The following STK39 variants were observed in gnomAD, a reference collection of about 807,000 sequenced individuals.
The protein encoded by STK39 is serine/threonine kinase 39.
STK39 carries 20 observed loss-of-function variants against 77.8 expected under a neutral mutation model. That is an observed-to-expected ratio of 0.26 (90% CI 0.18 to 0.37). STK39 has a LOEUF of 0.37. Ranked by LOEUF, STK39 falls within the 10% of genes least tolerant of loss-of-function variation. The pLI, the probability that STK39 is intolerant of heterozygous loss-of-function variation, is 1.00. For missense variants in STK39, 479 were observed against 656.5 expected (o/e 0.73, Z 2.95); for synonymous variants, 246 against 234.1 (o/e 1.05, Z -0.47).
At chr2:168,092,929 C>T (rs553702129) in intron 10 of STK39, among the ~76,000 whole-genome samples, 8 of 152,300 alleles carry the variant, frequency 5.3e-5, no homozygotes, top group African/African-American at 1.7e-4. Flanking sequence ...CGGAATCTTT[C>T]GCACACAATG....
At chr2:168,068,350 G>A (rs896241379) in intron 12 of STK39, among the ~76,000 whole-genome samples, 35 of 152,164 alleles carry the variant, frequency 2.3e-4, no homozygotes, top group African/African-American at 7.7e-4. Flanking sequence ...CCAATTTTTC[G>A]TAGAGCTCTG....
At chr2:168,212,423 C>T (rs369336959) in intron 1 of STK39, among the ~76,000 whole-genome samples, 2 of 152,344 alleles carry the variant, frequency 1.3e-5, no homozygotes, top group South Asian at 4.1e-4. Flanking sequence ...TTCTGACCCA[C>T]CTCTCCACAT....
chr2:168,029,573 T>G (rs1226972317), intron 14 of STK39, among the ~76,000 whole-genome samples: 1 of 152,160 alleles, frequency 6.6e-6, no homozygotes, highest in African/African-American at 2.4e-5. Flanking sequence ...AGAAGCACAT[T>G]GTTTACTGAT....
At chr2:168,217,965 T>C (rs1448351512) in intron 1 of STK39, among the ~76,000 whole-genome samples, 4 of 152,208 alleles carry the variant, frequency 2.6e-5, no homozygotes, top group African/African-American at 9.6e-5. Flanking sequence ...CATGTTATCA[T>C]GATTTAGACA....
chr2:168,126,044 G>A (rs924668232), intron 10 of STK39, among the ~76,000 whole-genome samples: 2 of 152,138 alleles, frequency 1.3e-5, no homozygotes. Context: ...CTTAATGTTG[G>A]TTAGCAGAAG....
At position 168,213,408 on chromosome 2, in the gene STK39, ACTTT is replaced by A. The variant is rs1481149236; in HGVS notation, c.209-31322_209-31319del. ...AAAAGATGTTCACAGTATACTATAA[ACTTT>A]CTATTACAAAACTTCATTTATGATA... is the stretch of plus-strand genomic sequence containing the variant. On this transcript the variant is annotated intron_variant, in intron 1 of 17. Coordinates refer to ENST00000355999, the MANE Select transcript of STK39 (RefSeq NM_013233.3). 2.6e-5 allele frequency among the ~76,000 whole-genome samples: 4 copies of A among 152,148 alleles called. No individual in the cohort carries two copies. The East Asian group carries it at 7.7e-4, about 29-fold the overall frequency.
intron 5 of STK39, among the ~76,000 whole-genome samples, chr2:168,151,009 GGCC>G (rs1688265985): frequency 6.6e-6 from 1 of 152,026 alleles, no homozygotes; most frequent in Admixed American, 6.6e-5. Flanking sequence ...GGTGCTCAAT[GGCC>G]TTGTTTGGCT....
At chr2:168,157,116 T>G (rs542499445) in intron 5 of STK39, among the ~76,000 whole-genome samples, 1 of 152,122 alleles carries the variant, frequency 6.6e-6, no homozygotes, top group Admixed American at 6.6e-5. Flanking sequence ...TCATTGCATG[T>G]TTTCCTAGCA....
At chr2:168,046,603 A>G (rs988606077) in intron 14 of STK39, among the ~76,000 whole-genome samples, 9 of 152,210 alleles carry the variant, frequency 5.9e-5, no homozygotes, top group African/African-American at 1.7e-4. Flanking sequence ...GAGCTGGCCT[A>G]TATCTCTTCA....
intron 4 of STK39, 59 bp downstream of exon 4, chr2:168,163,680 T>A: frequency 6.2e-7 from 1 of 1,609,982 alleles, no homozygotes; most frequent in East Asian, 2.2e-5. Flanking sequence ...AGTCTAAGCC[T>A]TCCAAAACCT....
At chr2:167,981,266 A>G (rs1683410590) in intron 16 of STK39, among the ~76,000 whole-genome samples, 1 of 152,216 alleles carries the variant, frequency 6.6e-6, no homozygotes, top group Non-Finnish European at 1.5e-5. Context: ...CCCAGAAAAA[A>G]AGACAGCTGA....
intron 10 of STK39, among the ~76,000 whole-genome samples, chr2:168,075,957 G>T (rs1686067078): frequency 1.3e-5 from 2 of 152,198 alleles, no homozygotes; most frequent in African/African-American, 2.4e-5. Flanking sequence ...GGGTAGAGAT[G>T]TAATCCATAG....
At chr2:168,055,705 T>C (rs1685506277) in intron 14 of STK39, among the ~76,000 whole-genome samples, 1 of 152,214 alleles carries the variant, frequency 6.6e-6, no homozygotes, top group Non-Finnish European at 1.5e-5. Context: ...TACAAAGGAA[T>C]TAATAATTTA....
At chr2:167,984,057 T>C (rs1683497395) in intron 16 of STK39, among the ~76,000 whole-genome samples, 1 of 152,178 alleles carries the variant, frequency 6.6e-6, no homozygotes. Flanking sequence ...AAACTCAAGC[T>C]GTTGCCTATT....
chr2:168,206,954 T>C (rs1167963517), intron 1 of STK39, among the ~76,000 whole-genome samples: 1 of 152,168 alleles, frequency 6.6e-6, no homozygotes, highest in Non-Finnish European at 1.5e-5. Context: ...GTTCACAATA[T>C]GAACACAACT....
At chr2:168,092,211 C>G (rs776057382) in intron 10 of STK39, among the ~76,000 whole-genome samples, 3 of 152,204 alleles carry the variant, frequency 2.0e-5, no homozygotes, top group Non-Finnish European at 4.4e-5. Flanking sequence ...ACCATCTTCA[C>G]AGGGATCAGA....
At chr2:168,134,906 C>A (rs969332537) in intron 8 of STK39, among the ~76,000 whole-genome samples, 1 of 152,190 alleles carries the variant, frequency 6.6e-6, no homozygotes, top group African/African-American at 2.4e-5. Flanking sequence ...AGATGATCTA[C>A]ATTTAGGCAA....
chr2:167,989,704 C>G (rs748121222), intron 16 of STK39, among the ~76,000 whole-genome samples: 19 of 152,102 alleles, frequency 1.2e-4, no homozygotes, highest in Middle Eastern at 3.4e-3. Context: ...GATGTTTTTC[C>G]TAGAAAAGTA....
At chr2:168,063,762 A>G (rs1200122621) in intron 13 of STK39, among the ~76,000 whole-genome samples, 192 bp from the exon 14 acceptor site, 1 of 152,206 alleles carries the variant, frequency 6.6e-6, no homozygotes, top group Non-Finnish European at 1.5e-5. Context: ...TCCCATCACA[A>G]TTGTGGATAT....
Sources: gnomAD v4.1 joint callset for allele counts (sites outside exome capture counted in the v4.1 genomes callset) on GRCh38, gnomAD v4.1.1 for gene constraint, MANE v1.5 for transcripts, NCBI Gene and HGNC (gene_info 2026-07-23, HGNC 2026-07-21) for gene names.